Variants in CFAP299 observed in about 807,000 individuals in gnomAD.
The protein encoded by CFAP299 is cilia- and flagella-associated protein 299.
Under a neutral mutation model 27.0 loss-of-function variants are expected in CFAP299, and 21 were observed. The ratio of observed to expected loss-of-function variants is 0.78; its 90% CI spans 0.55 to 1.12. CFAP299 has a LOEUF of 1.12. CFAP299 is among the 50% of genes most tolerant of loss of function. The probability of loss-of-function intolerance (pLI) is 0.00; values close to 1 mark genes in which losing one functional copy is unlikely to be tolerated. For missense variants in CFAP299, 310 were observed against 276.6 expected, an observed-to-expected ratio of 1.12 and a Z score of -0.86; for synonymous variants, 104 against 98.1, an observed-to-expected ratio of 1.06 and a Z score of -0.36.
chr4:80,630,257 C>T (rs751666704), intron 3 of CFAP299, among the ~76,000 whole-genome samples: 3 of 152,018 alleles, frequency 2.0e-5, no homozygotes, highest in Non-Finnish European at 2.9e-5. Flanking sequence ...GTAGAAAAGC[C>T]GTACACAGTA....
intron 3 of CFAP299, among the ~76,000 whole-genome samples, chr4:80,817,816 T>C (rs1406808646): frequency 1.3e-5 from 2 of 152,046 alleles, no homozygotes; most frequent in East Asian, 3.8e-4. Flanking sequence ...TCTAATGCTC[T>C]TATAGTTTTC....
chr4:80,505,904 C>T (rs1243821050), intron 2 of CFAP299, among the ~76,000 whole-genome samples: 2 of 151,764 alleles, frequency 1.3e-5, no homozygotes, highest in African/African-American at 4.8e-5. Flanking sequence ...GGCTGCAGTG[C>T]TCTATGATTA....
chr4:80,795,469 T>C (rs189558206), intron 3 of CFAP299, among the ~76,000 whole-genome samples: 88 of 152,204 alleles, frequency 5.8e-4, no homozygotes, highest in African/African-American at 2.0e-3. Flanking sequence ...TGCCTGCATA[T>C]TGTGCAGAAC....
At position 80,444,058 on chromosome 4, in the gene CFAP299, T is replaced by A. The variant is rs372790397; in HGVS notation, c.242+81174T>A. Among the ~76,000 whole-genome samples the A allele has an allele frequency of 1.1e-4, 16 of 152,314 alleles. 1 individual carries two copies. The East Asian group carries it at 1.5e-3, about 15-fold the overall frequency. On this transcript the variant is annotated intron_variant, in intron 2 of 5. Transcript: ENST00000358105. ...CACAAAGAAATGGGAAAACATTCCA[T>A]GCTCATGGATAGGAAAAATCAATAT...
At chr4:80,818,265 G>C (rs1423563419) in intron 3 of CFAP299, among the ~76,000 whole-genome samples, 2 of 152,060 alleles carry the variant, frequency 1.3e-5, no homozygotes, top group Non-Finnish European at 1.5e-5. Flanking sequence ...TGGACGTTTA[G>C]GTTGATTCAT....
rs774973518 is a variant in CFAP299 at position 80,362,793 on chromosome 4, C to T, written c.151C>T (p.Arg51Ter). The T allele has an allele frequency of 4.0e-5, 65 of 1,612,402 alleles. No homozygotes were observed. The highest frequency in any genetic ancestry group is 4.6e-5 in the Non-Finnish European group (54 of 1,179,628). The change falls in exon 2 of 6, where the codon CGA becomes TGA. Residue 51 changes from arginine (R) to a stop codon, truncating the protein, a stop_gained. Transcript: ENST00000358105. LOFTEE classifies it high-confidence loss of function. Reference sequence around the variant, plus strand: ...CCGCCAGTTGGTGGAGCTAGGCTACCGAGGGACTGGAGAGAGAGTGAAAAG... The same window carrying T: ...CCGCCAGTTGGTGGAGCTAGGCTACTGAGGGACTGGAGAGAGAGTGAAAAG... ...LARQLVELGYRGTGERVKRED... is the reference protein window; with the variant it reads ...LARQLVELGY
At chr4:80,398,910 C>A (rs576600137) in intron 2 of CFAP299, among the ~76,000 whole-genome samples, 5 of 151,892 alleles carry the variant, frequency 3.3e-5, no homozygotes, top group Admixed American at 1.3e-4. Context: ...GGCAACCTAC[C>A]GAATGGGAGA....
chr4:80,638,869 G>C (rs1159326752), intron 3 of CFAP299, among the ~76,000 whole-genome samples: 1 of 152,158 alleles, frequency 6.6e-6, no homozygotes, highest in Non-Finnish European at 1.5e-5. Context: ...TTAAACAACA[G>C]AAATTTATTT....
chr4:80,460,415 T>C (rs72862015), intron 2 of CFAP299, among the ~76,000 whole-genome samples: 29,348 of 152,066 alleles, frequency 0.19, 2,985 homozygotes, highest in South Asian at 0.3. Context: ...CAAACAAATA[T>C]TATATATTTT....
chr4:80,419,439 T>G (rs774086709), intron 2 of CFAP299, among the ~76,000 whole-genome samples: 4 of 152,182 alleles, frequency 2.6e-5, no homozygotes, highest in Non-Finnish European at 5.9e-5. Context: ...TTAGCATTCC[T>G]AGAAGAAGTT....
chr4:80,925,587 T>C (rs982463265), intron 4 of CFAP299, among the ~76,000 whole-genome samples: 2 of 151,962 alleles, frequency 1.3e-5, no homozygotes, highest in Admixed American at 6.6e-5. Flanking sequence ...TATAGAGATA[T>C]ATGATACTGA....
At chr4:80,962,326 T>A (rs1738383922) in intron 5 of CFAP299, among the ~76,000 whole-genome samples, 1 of 151,948 alleles carries the variant, frequency 6.6e-6, no homozygotes, top group African/African-American at 2.4e-5. Context: ...AGAACATATC[T>A]GTATAGGGAA....
At chr4:80,496,289 C>T (rs1405216108) in intron 2 of CFAP299, among the ~76,000 whole-genome samples, 1 of 152,184 alleles carries the variant, frequency 6.6e-6, no homozygotes, top group Admixed American at 6.5e-5. Flanking sequence ...GTTAGAAACA[C>T]CCACACCACA....
rs529141602 is a variant in CFAP299, at chr4:80,845,320, T to G, written c.334-24673T>G. 4.7e-4 allele frequency among the ~76,000 whole-genome samples: 72 copies of G among 152,100 alleles called. 1 individual carries two copies. Among genetic ancestry groups the G allele is most frequent in the African/African-American group, 1.7e-3 (69 of 41,478 alleles). On this transcript the variant is annotated intron_variant, in intron 3 of 5. Transcript: ENST00000358105. ...AAAGACCGTTCAAGTTTTTCAGTGA[T>G]GTTTTTAAAAATCTGATCATTTACA...
rs1730751368 is a variant in CFAP299, at chr4:80,485,256, A to C, written c.243-97837A>C. 2.0e-5 allele frequency among the ~76,000 whole-genome samples: 3 copies of C among 149,112 alleles called. No individual in the cohort carries two copies. In the Middle Eastern group the frequency reaches 0.011, roughly 533 times the overall value. The stretch of plus-strand genomic sequence containing the variant: ...ATATACATATATGTATAAATATAAT[A>C]AAATATATATGAAATTTTATATATA... On this transcript the variant is annotated intron_variant, in intron 2 of 5. Coordinates refer to ENST00000358105, the MANE Select transcript of CFAP299 (RefSeq NM_152770.3).
intron 4 of CFAP299, among the ~76,000 whole-genome samples, chr4:80,893,161 A>C (rs961182125): frequency 2.0e-5 from 3 of 151,830 alleles, no homozygotes; most frequent in African/African-American, 7.2e-5. Flanking sequence ...TAAAATGCTT[A>C]GGAATGAATT....
intron 2 of CFAP299, among the ~76,000 whole-genome samples, chr4:80,394,511 A>C (rs1319283863): frequency 6.6e-6 from 1 of 151,858 alleles, no homozygotes; most frequent in Non-Finnish European, 1.5e-5. Context: ...TCCAATATCA[A>C]GAAGCTTTTT....
chr4:80,715,546 A>C (rs1470054097), intron 3 of CFAP299, among the ~76,000 whole-genome samples: 1 of 152,072 alleles, frequency 6.6e-6, no homozygotes, highest in Non-Finnish European at 1.5e-5. Flanking sequence ...CACTTCTGAA[A>C]GACCAAAATG....
At position 80,407,136 on chromosome 4, in the gene CFAP299, G is replaced by A. The variant is rs150886158; in HGVS notation, c.242+44252G>A. The stretch of plus-strand genomic sequence containing the variant: ...AAACAAAATAAATAAACATTGTCAA[G>A]CAATGTCAATGAATGAAAGTATAGG... On this transcript the variant is annotated intron_variant, in intron 2 of 5. Transcript: ENST00000358105. 5.5e-3 allele frequency among the ~76,000 whole-genome samples: 829 copies of A among 151,826 alleles called. 11 individuals carry two copies. Among genetic ancestry groups the A allele is most frequent in the African/African-American group, 0.019 (785 of 41,398 alleles).
Sources: allele counts gnomAD v4.1 joint callset (sites outside exome capture counted in the v4.1 genomes callset), GRCh38; gene constraint gnomAD v4.1.1; transcripts MANE v1.5; gene names NCBI Gene and HGNC (gene_info 2026-07-23, HGNC 2026-07-21).